The following LAMA2 variants were observed in gnomAD, a reference collection of about 807,000 sequenced individuals.
LAMA2 encodes laminin subunit alpha 2, also known as laminin subunit alpha-2.
LAMA2 carries 269 observed loss-of-function variants against 364.8 expected under a neutral mutation model. The ratio of observed to expected loss-of-function variants is 0.74; its 90% CI spans 0.67 to 0.82. The LOEUF is 0.82. Among genes scored for constraint, LAMA2 ranks in the 40% least tolerant of loss-of-function variants. LAMA2 has a pLI of 0.00. For synonymous variants in LAMA2, 1,379 were observed against 1,370.6 expected, an observed-to-expected ratio of 1.01 and a Z score of -0.14; for missense variants, 3,807 against 3,873.2, an observed-to-expected ratio of 0.98 and a Z score of 0.45.
intron 1 of LAMA2, among the ~76,000 whole-genome samples, chr6:128,884,957 T>C (rs1318113371): frequency 6.6e-6 from 1 of 152,118 alleles, no homozygotes; most frequent in Non-Finnish European, 1.5e-5. Context: ...GATTTCTCTT[T>C]TTTCCTCTCC....
At chr6:129,375,803 A>G (rs372025466) in intron 34 of LAMA2, among the ~76,000 whole-genome samples, 1 of 152,228 alleles carries the variant, frequency 6.6e-6, no homozygotes, top group Admixed American at 6.5e-5. Context: ...TATGTGCCTT[A>G]CTATGGATTG....
chr6:129,514,690 T>C, intron 64 of LAMA2, 95 bp downstream of exon 64: 1 of 963,614 alleles, frequency 1.0e-6, no homozygotes, highest in Non-Finnish European at 1.6e-6. Flanking sequence ...AATGTGTGCT[T>C]ATGTGTACTT....
intron 12 of LAMA2, among the ~76,000 whole-genome samples, chr6:129,235,358 C>T: frequency 6.6e-6 from 1 of 152,104 alleles, no homozygotes; most frequent in East Asian, 1.9e-4. Flanking sequence ...CCTGTGTCTC[C>T]CTTCACTTAT....
intron 15 of LAMA2, among the ~76,000 whole-genome samples, chr6:129,265,255 C>A (rs1787426202): frequency 6.6e-6 from 1 of 152,098 alleles, no homozygotes; most frequent in African/African-American, 2.4e-5. Flanking sequence ...CTTGTTAGTG[C>A]AAAGGCAGCT....
chr6:128,946,873 T>C (rs943703852), intron 1 of LAMA2, among the ~76,000 whole-genome samples: 6 of 152,238 alleles, frequency 3.9e-5, no homozygotes, highest in African/African-American at 1.4e-4. Flanking sequence ...GTAGGTCCCA[T>C]TGAATATCAC....
chr6:129,203,008 C>A (rs1420271845), intron 12 of LAMA2, among the ~76,000 whole-genome samples: 1 of 152,138 alleles, frequency 6.6e-6, no homozygotes, highest in Admixed American at 6.5e-5. Flanking sequence ...AGCTGTAGGG[C>A]CTAACACCAT....
intron 40 of LAMA2, among the ~76,000 whole-genome samples, chr6:129,418,898 A>G (rs770315050): frequency 2.0e-5 from 3 of 152,174 alleles, no homozygotes; most frequent in Non-Finnish European, 4.4e-5. Context: ...AGTGGTATAT[A>G]TTTATCATGT....
intron 22 of LAMA2, among the ~76,000 whole-genome samples, chr6:129,308,962 A>G (rs938322925): frequency 2.6e-5 from 4 of 152,218 alleles, no homozygotes; most frequent in Admixed American, 2.6e-4. Flanking sequence ...TGATCCAAAC[A>G]CCTCCCACCA....
chr6:129,040,575 G>T (rs890395659), intron 1 of LAMA2, among the ~76,000 whole-genome samples: 29 of 152,298 alleles, frequency 1.9e-4, no homozygotes, highest in African/African-American at 6.7e-4. Flanking sequence ...GCTTCAGTGT[G>T]CCATGATCAT....
intron 9 of LAMA2, among the ~76,000 whole-genome samples, chr6:129,169,915 A>G (rs1238806025): frequency 8.7e-5 from 13 of 148,950 alleles, no homozygotes; most frequent in Admixed American, 6.6e-5. Flanking sequence ...CGAGGAATTT[A>G]TCCATTTCTT....
intron 32 of LAMA2, among the ~76,000 whole-genome samples, chr6:129,353,706 G>A (rs1776996181): frequency 1.3e-5 from 2 of 152,254 alleles, no homozygotes; most frequent in South Asian, 2.1e-4. Context: ...AGATGTGAGT[G>A]TATTAAAAAA....
At chr6:129,145,510 C>T (rs962654584) in intron 5 of LAMA2, among the ~76,000 whole-genome samples, 1 of 151,870 alleles carries the variant, frequency 6.6e-6, no homozygotes, top group Non-Finnish European at 1.5e-5. Context: ...AAAATATACA[C>T]CAAGGAAGAC....
At chr6:129,022,273 G>A (rs1785493660) in intron 1 of LAMA2, among the ~76,000 whole-genome samples, 2 of 152,086 alleles carry the variant, frequency 1.3e-5, no homozygotes, top group Non-Finnish European at 2.9e-5. Context: ...ACATTTTCGA[G>A]GTTTTTAAGG....
At chr6:129,053,686 C>T (rs934300686) in intron 2 of LAMA2, among the ~76,000 whole-genome samples, 3 of 152,180 alleles carry the variant, frequency 2.0e-5, no homozygotes, top group Non-Finnish European at 4.4e-5. Flanking sequence ...AAATAGGTTT[C>T]CCTTGCTTTT....
chr6:129,326,330 G>A (rs993908096), intron 28 of LAMA2, among the ~76,000 whole-genome samples: 3 of 152,086 alleles, frequency 2.0e-5, no homozygotes, highest in African/African-American at 7.2e-5. Context: ...CACTATGGGC[G>A]CTTGTCTATT....
chr6:129,330,778 G>A (rs1775601659), intron 29 of LAMA2, among the ~76,000 whole-genome samples: 1 of 151,486 alleles, frequency 6.6e-6, no homozygotes, highest in Non-Finnish European at 1.5e-5. Flanking sequence ...TTACTGCTTT[G>A]CAACGCTCAT....
At chr6:128,948,999 T>A (rs1239186667) in intron 1 of LAMA2, among the ~76,000 whole-genome samples, 1 of 152,152 alleles carries the variant, frequency 6.6e-6, no homozygotes, top group East Asian at 1.9e-4. Context: ...ACTGTGATAT[T>A]TGGTATTTTC....
Position 129,401,282 on chromosome 6 carries a change from G to T in LAMA2, c.5504G>T (p.Gly1835Val), listed in dbSNP as rs770335935. The T allele has an allele frequency of 6.2e-7, 1 of 1,612,908 alleles. No homozygotes were observed. The highest frequency in any genetic ancestry group is 1.1e-5 in the South Asian group (1 of 91,040). The change falls in exon 38 of 65, where the codon GGC (glycine) becomes GTC (valine). Residue 1835 changes from glycine (G) to valine (V), a missense_variant. Coordinates refer to ENST00000421865, the MANE Select transcript of LAMA2 (RefSeq NM_000426.4). ...KRQIENTLKE[G>V]NDILDEANRL... is the part of the protein sequence containing the mutation. ...CAAATTGAGAACACTTTAAAAGAGG[G>T]CAATGACATACTCGATGAAGCCAAC...
intron 12 of LAMA2, among the ~76,000 whole-genome samples, chr6:129,223,374 T>C (rs969416669): frequency 4.6e-5 from 7 of 152,274 alleles, no homozygotes; most frequent in African/African-American, 7.2e-5. Flanking sequence ...ACTTTGGCTT[T>C]TGTTGCCCTT....
Sources: gnomAD v4.1 joint callset for allele counts (sites outside exome capture counted in the v4.1 genomes callset) on GRCh38, gnomAD v4.1.1 for gene constraint, MANE v1.5 for transcripts, NCBI Gene and HGNC (gene_info 2026-07-23, HGNC 2026-07-21) for gene names.